MGLL: variants seen among roughly 807,000 people sequenced by gnomAD.
The protein encoded by MGLL is lysophospholipase homolog.
MGLL carries 7 observed loss-of-function variants against 29.1 expected under a neutral mutation model. The ratio of observed to expected loss-of-function variants is 0.24; its 90% CI spans 0.14 to 0.45. MGLL has a LOEUF of 0.45. Ranked by LOEUF, MGLL falls within the 20% of genes least tolerant of loss-of-function variation. The pLI, the probability that MGLL is intolerant of heterozygous loss-of-function variation, is 0.99. For missense variants in MGLL, 356 were observed against 413.6 expected (o/e 0.86, Z 1.21); for synonymous variants, 148 against 168.3 (o/e 0.88, Z 0.93).
intron 5 of MGLL, chr3:127,710,902 C>A: frequency 1.8e-6 from 1 of 541,502 alleles, no homozygotes; most frequent in South Asian, 2.0e-5. Context: ...AGCCGCTGCG[C>A]CCAAGGTGGG....
intron 6 of MGLL, 134 bp downstream of exon 6, chr3:127,710,442 C>T (rs749288576): frequency 3.8e-5 from 32 of 845,382 alleles, no homozygotes; most frequent in Non-Finnish European, 5.2e-5. Flanking sequence ...GTCTAATGCA[C>T]CACTGTGTCC....
intron 2 of MGLL, among the ~76,000 whole-genome samples, chr3:127,819,853 C>A (rs764411518): frequency 6.6e-6 from 1 of 152,092 alleles, no homozygotes; most frequent in Non-Finnish European, 1.5e-5. Context: ...ACCCTAGGAC[C>A]CCCAAGACTG....
intron 6 of MGLL, among the ~76,000 whole-genome samples, chr3:127,696,710 G>C (rs1031529218): frequency 6.6e-6 from 1 of 151,986 alleles, no homozygotes; most frequent in Non-Finnish European, 1.5e-5. Flanking sequence ...TACCGCGCCC[G>C]GCCCCATGAT....
intron 3 of MGLL, among the ~76,000 whole-genome samples, chr3:127,753,367 C>A (rs568143522): frequency 5.2e-4 from 79 of 152,334 alleles, no homozygotes; most frequent in African/African-American, 1.8e-3. Flanking sequence ...CTTGATGTGA[C>A]CAGTTTTTAA....
chr3:127,809,609 G>A (rs2077626132), intron 2 of MGLL, among the ~76,000 whole-genome samples: 1 of 150,256 alleles, frequency 6.7e-6, no homozygotes, highest in African/African-American at 2.5e-5. Flanking sequence ...CTGGGTGACA[G>A]AGCAAAGCCC....
chr3:127,758,758 C>T (rs2076708035), intron 3 of MGLL, among the ~76,000 whole-genome samples: 1 of 151,960 alleles, frequency 6.6e-6, no homozygotes, highest in Non-Finnish European at 1.5e-5. Context: ...GATAATGGGT[C>T]GATTTTTCAT....
chr3:127,746,762 T>C (rs1172365406), intron 3 of MGLL, among the ~76,000 whole-genome samples: 1 of 152,168 alleles, frequency 6.6e-6, no homozygotes, highest in Non-Finnish European at 1.5e-5. Flanking sequence ...TCTCGTCTAC[T>C]GGGGCTGGTT....
At chr3:127,772,575 C>T (rs1332393521) in intron 3 of MGLL, among the ~76,000 whole-genome samples, 1 of 152,200 alleles carries the variant, frequency 6.6e-6, no homozygotes, top group Non-Finnish European at 1.5e-5. Flanking sequence ...CTCCTAGAAG[C>T]AGGAAAGCCA....
intron 3 of MGLL, among the ~76,000 whole-genome samples, chr3:127,735,426 C>T (rs922220797): frequency 1.3e-5 from 2 of 152,192 alleles, no homozygotes; most frequent in Non-Finnish European, 2.9e-5. Flanking sequence ...AGCAAATAAA[C>T]TAGAGCTGCA....
intron 3 of MGLL, among the ~76,000 whole-genome samples, chr3:127,764,951 A>G (rs550497468): frequency 1.3e-5 from 2 of 152,338 alleles, no homozygotes; most frequent in South Asian, 4.1e-4. Context: ...GAAAACTGAG[A>G]TGCAGAGAGG....
chr3:127,810,603 C>A (rs763232014), intron 2 of MGLL, among the ~76,000 whole-genome samples: 1 of 152,226 alleles, frequency 6.6e-6, no homozygotes, highest in Non-Finnish European at 1.5e-5. Context: ...GCCTCCCTGA[C>A]AAATGCATGG....
intron 6 of MGLL, among the ~76,000 whole-genome samples, chr3:127,696,273 C>A (rs2107582514): frequency 6.6e-6 from 1 of 152,036 alleles, no homozygotes; most frequent in Non-Finnish European, 1.5e-5. Context: ...ACTCTTCCTG[C>A]CTCCATAAAG....
rs1009057704 is a variant in MGLL, at chr3:127,691,730, A to T, written c.*468T>A. ...CCCTGGGGAGCTGGCCCCTATGGAG[A>T]CAGCAACCACCTCATCACACGGCCA... On this transcript the variant is annotated 3_prime_UTR_variant, in exon 8 of 8. Coordinates refer to ENST00000265052, the MANE Select transcript of MGLL (RefSeq NM_007283.7). 1.0e-5 allele frequency: 2 copies of T among 200,636 alleles called. No homozygotes were observed. Among genetic ancestry groups the T allele is most frequent in the Non-Finnish European group, 2.1e-5 (2 of 97,000 alleles). The allele number at this position is 200,636 out of a possible 1,614,324, so 12.4% of individuals were successfully genotyped here.
chr3:127,793,816 C>T (rs1162394023), intron 2 of MGLL, among the ~76,000 whole-genome samples: 2 of 152,142 alleles, frequency 1.3e-5, no homozygotes, highest in African/African-American at 2.4e-5. Flanking sequence ...CCTGCCTTGG[C>T]CTCCCAAAGT....
At chr3:127,818,797 A>C (rs1176840788) in intron 2 of MGLL, among the ~76,000 whole-genome samples, 1 of 152,216 alleles carries the variant, frequency 6.6e-6, no homozygotes, top group African/African-American at 2.4e-5. Context: ...AAATGGGAAT[A>C]GTAAGAATAA....
intron 3 of MGLL, among the ~76,000 whole-genome samples, chr3:127,770,882 C>A (rs1413076281): frequency 6.6e-6 from 1 of 151,930 alleles, no homozygotes; most frequent in East Asian, 1.9e-4. Context: ...AGGCTGAGCA[C>A]CCAAGGTTAT....
rs869111063 is a variant in MGLL at position 127,694,286 on chromosome 3, AATAT to A, written c.816+685_816+688del. ...CTCTGTCTGAAAAAAAAAAAAAAAA[AATAT>A]ATATATATATATATATATGTATGTG... On this transcript the variant is annotated intron_variant, in intron 7 of 7. Coordinates refer to ENST00000265052, the MANE Select transcript of MGLL (RefSeq NM_007283.7). Among the ~76,000 whole-genome samples, 254 of 97,880 alleles carry A rather than the reference AATAT, an allele frequency of 2.6e-3. 5 individuals carry two copies. Among genetic ancestry groups the A allele is most frequent in the African/African-American group, 5.8e-3 (137 of 23,676 alleles). 64.2% of individuals were successfully genotyped at this position (97,880 alleles called of 152,430 possible).
intron 3 of MGLL, among the ~76,000 whole-genome samples, chr3:127,723,740 G>A (rs533281374): frequency 6.6e-6 from 1 of 152,302 alleles, no homozygotes; most frequent in South Asian, 2.1e-4. Context: ...GTAAGGTTCA[G>A]TGGCATCAAC....
intron 5 of MGLL, among the ~76,000 whole-genome samples, chr3:127,716,767 G>A (rs905153278): frequency 2.6e-5 from 4 of 152,230 alleles, no homozygotes; most frequent in Admixed American, 6.5e-5. Context: ...TGACCTGTGC[G>A]CAGGAGGCTA....
Sources: gnomAD v4.1 joint callset for allele counts (sites outside exome capture counted in the v4.1 genomes callset) on GRCh38, gnomAD v4.1.1 for gene constraint, MANE v1.5 for transcripts, NCBI Gene and HGNC (gene_info 2026-07-23, HGNC 2026-07-21) for gene names.